Variants in EXD3 observed in about 807,000 individuals in gnomAD.
EXD3 encodes exonuclease 3'-5' domain containing 3.
A neutral mutation model predicts 98.0 loss-of-function variants in EXD3; 92 were observed. The ratio of observed to expected loss-of-function variants is 0.94; its 90% confidence interval spans 0.79 to 1.12. EXD3 has a LOEUF of 1.12. Among genes scored for constraint, EXD3 ranks in the 50% most tolerant of loss-of-function variants. The probability of loss-of-function intolerance (pLI) is 0.00; values close to 1 mark genes in which losing one functional copy is unlikely to be tolerated. For missense variants in EXD3, 1,222 were observed against 1,191.6 expected (o/e 1.03, Z -0.38); for synonymous variants, 569 against 526.0 (o/e 1.08, Z -1.12).
intron 3 of EXD3, among the ~76,000 whole-genome samples, chr9:137,375,770 C>A (rs1835869632): frequency 6.6e-6 from 1 of 152,188 alleles, no homozygotes; most frequent in South Asian, 2.1e-4. Flanking sequence ...AAACATCATT[C>A]TTTAATCACT....
At chr9:137,321,117 C>A (rs766396285) in intron 19 of EXD3, among the ~76,000 whole-genome samples, 1 of 152,212 alleles carries the variant, frequency 6.6e-6, no homozygotes, top group Non-Finnish European at 1.5e-5. Flanking sequence ...GGTGCCTGGC[C>A]GGCTGCAGAT....
At chr9:137,383,524 GCA>G in intron 2 of EXD3, 147 bp from the exon 3 acceptor site, 2 of 586,360 alleles carry the variant, frequency 3.4e-6, no homozygotes, top group Non-Finnish European at 6.1e-6. Context: ...CCTCTGTCTG[GCA>G]CACACACAAC....
intron 1 of EXD3, among the ~76,000 whole-genome samples, chr9:137,401,944 G>T (rs1023419930): frequency 2.6e-5 from 4 of 152,180 alleles, no homozygotes; most frequent in African/African-American, 7.2e-5. Flanking sequence ...GAAAAAATTG[G>T]TTTTTCTTTT....
intron 2 of EXD3, among the ~76,000 whole-genome samples, chr9:137,384,120 C>A (rs1026554620): frequency 6.6e-6 from 1 of 152,162 alleles, no homozygotes; most frequent in African/African-American, 2.4e-5. Context: ...GTGGATTCCG[C>A]AGTGAACTCC....
chr9:137,385,224 C>T lies in EXD3; in HGVS notation c.56-1847G>A, dbSNP rs533772329. Reference sequence around the variant, plus strand: ...CTCAGAACCGTCCCACCATCGTGCACAGTGTGCTGCATACAGAGGCTGAGA... The same window carrying T: ...CTCAGAACCGTCCCACCATCGTGCATAGTGTGCTGCATACAGAGGCTGAGA... On this transcript the variant is annotated intron_variant, in intron 2 of 21. Coordinates refer to ENST00000340951, the MANE Select transcript of EXD3 (RefSeq NM_017820.5). This position sits in a 1 kb window ranked among gnomAD's most constrained non-coding sequence, Gnocchi z 4.4. Among the ~76,000 whole-genome samples, 29 of 152,338 alleles carry T rather than the reference C, an allele frequency of 1.9e-4. No individual in the cohort carries two copies. Among genetic ancestry groups the T allele is most frequent in the African/African-American group, 6.7e-4 (28 of 41,596 alleles).
At chr9:137,411,762 G>A (rs867874713) in intron 1 of EXD3, among the ~76,000 whole-genome samples, 11 of 150,538 alleles carry the variant, frequency 7.3e-5, no homozygotes, top group South Asian at 6.3e-4. Flanking sequence ...GGAGGGAGTC[G>A]GGGAGGCGGA....
At chr9:137,348,621 G>A (rs1834071178) in intron 16 of EXD3, among the ~76,000 whole-genome samples, 1 of 103,110 alleles carries the variant, frequency 9.7e-6, no homozygotes, top group Admixed American at 8.8e-5. Flanking sequence ...GAGGGGGTTA[G>A]ACAGAGAGGG....
intron 1 of EXD3, among the ~76,000 whole-genome samples, chr9:137,398,766 C>T (rs1837342354): frequency 9.9e-6 from 1 of 101,346 alleles, no homozygotes; most frequent in Non-Finnish European, 2.0e-5. Flanking sequence ...CACAGGCACC[C>T]GCGTCCCCGT....
Position 137,395,222 on chromosome 9 carries a change from G to T in EXD3, c.55+81C>A. On this transcript the variant is annotated intron_variant, in intron 2 of 21. Coordinates refer to ENST00000340951, the MANE Select transcript of EXD3 (RefSeq NM_017820.5). This position sits in a 1 kb window ranked among gnomAD's most constrained non-coding sequence, Gnocchi z 6.5. Reference sequence around the variant, plus strand: ...GGCCCTCGTCACTGAGTACACAGTGGGCGCCACCACCCCCCATGCACACCC... The same window carrying T: ...GGCCCTCGTCACTGAGTACACAGTGTGCGCCACCACCCCCCATGCACACCC... 1 of 1,307,928 alleles carries T rather than the reference G, an allele frequency of 7.6e-7. No homozygotes were observed. Among genetic ancestry groups the T allele is most frequent in the Non-Finnish European group, 1.1e-6 (1 of 904,948 alleles). The allele number at this position is 1,307,928 out of a possible 1,614,324, so 81.0% of individuals were successfully genotyped here.
chr9:137,361,673 G>C (rs1039558708), intron 7 of EXD3, among the ~76,000 whole-genome samples: 1 of 151,010 alleles, frequency 6.6e-6, no homozygotes, highest in African/African-American at 2.4e-5. Flanking sequence ...TTGAACCCGG[G>C]AGGCGGAGGT....
intron 7 of EXD3, among the ~76,000 whole-genome samples, chr9:137,358,361 C>G (rs918745546): frequency 6.6e-6 from 1 of 152,184 alleles, no homozygotes; most frequent in African/African-American, 2.4e-5. Flanking sequence ...GAGCCCCAGC[C>G]CTGTCCTCAG....
At chr9:137,343,604 T>TTTTTTTTTTTTC in intron 17 of EXD3, 2 of 130,874 alleles carry the variant, frequency 1.5e-5, no homozygotes, top group South Asian at 2.7e-4. Context: ...TTTTTTTTTT[T>TTTTTTTTTTTTC]TTGAGACGGA....
At chr9:137,335,293 G>A (rs1451685205) in intron 17 of EXD3, among the ~76,000 whole-genome samples, 2 of 152,022 alleles carry the variant, frequency 1.3e-5, no homozygotes, top group East Asian at 1.9e-4. Flanking sequence ...CGCAGCAAAC[G>A]TGAAAAATCG....
At chr9:137,356,227 C>T in intron 8 of EXD3, 41 bp downstream of exon 8, 1 of 1,478,170 alleles carries the variant, frequency 6.8e-7, no homozygotes, top group Non-Finnish European at 9.2e-7. Context: ...CTTGGCGGCT[C>T]TCCCTGGCCT....
intron 1 of EXD3, among the ~76,000 whole-genome samples, chr9:137,414,046 A>G (rs1838128714): frequency 6.6e-6 from 1 of 151,194 alleles, no homozygotes; most frequent in African/African-American, 2.4e-5. Flanking sequence ...CCTCCCGAGT[A>G]GCTGGGACTA....
intron 17 of EXD3, among the ~76,000 whole-genome samples, chr9:137,326,439 T>C (rs1221165139): frequency 6.6e-6 from 1 of 152,118 alleles, no homozygotes; most frequent in Non-Finnish European, 1.5e-5. Context: ...GGCGGGAGGA[T>C]GGCCTGAGCC....
chr9:137,357,494 C>T (rs1564511017), intron 7 of EXD3, among the ~76,000 whole-genome samples: 1 of 152,050 alleles, frequency 6.6e-6, no homozygotes, highest in South Asian at 2.1e-4. Context: ...TTCCAAACCT[C>T]CCACTGAGCT....
Position 137,349,237 on chromosome 9 carries a change from C to T in EXD3, c.1703G>A (p.Arg568Lys). The change falls in exon 16 of 22, where the codon AGA becomes AAA. Residue 568 changes from arginine to lysine, a missense_variant. By Grantham distance (26) the Arg-to-Lys change is conservative. Coordinates refer to ENST00000340951, the MANE Select transcript of EXD3 (RefSeq NM_017820.5). This position sits in a 1 kb window ranked among gnomAD's most constrained non-coding sequence, Gnocchi z 7.4. The part of the protein sequence containing the change: ...CLLEVHQALC[R>K]EPARFHLSED... ...CGACAGGTGGAAGCGGGCGGGCTCT[C>T]TGCACAGGGCTTGGTGCACCTCCAG... The T allele has an allele frequency of 6.4e-7, 1 of 1,574,800 alleles. No individual in the cohort carries two copies. The highest frequency in any genetic ancestry group is 8.6e-7 in the Non-Finnish European group (1 of 1,167,018).
chr9:137,420,795 C>T (rs988697561), intron 1 of EXD3, among the ~76,000 whole-genome samples: 1 of 142,698 alleles, frequency 7.0e-6, no homozygotes, highest in African/African-American at 2.5e-5. Context: ...GAGCCACTGG[C>T]TTGGCTTCCT....
Sources: gnomAD v4.1 joint callset for allele counts (sites outside exome capture counted in the v4.1 genomes callset) on GRCh38, gnomAD v4.1.1 for gene constraint, Gnocchi (gnomAD v3.1) non-coding constraint, MANE v1.5 for transcripts, NCBI Gene and HGNC (gene_info 2026-07-23, HGNC 2026-07-21) for gene names.